Variants in STK3 observed in about 807,000 individuals in gnomAD.
STK3 encodes serine/threonine-protein kinase 3.
A neutral mutation model predicts 58.0 loss-of-function variants in STK3; 41 were observed. The ratio of observed to expected loss-of-function variants is 0.71; its 90% CI spans 0.55 to 0.92. The LOEUF (loss-of-function observed/expected upper bound fraction) is 0.92. Ranked by LOEUF, STK3 falls within the 40% of genes least tolerant of loss-of-function variation. The pLI is 0.00. For synonymous variants in STK3, 170 were observed against 191.0 expected (o/e 0.89, Z 0.91); for missense variants, 479 against 602.7 (o/e 0.79, Z 2.15).
intron 6 of STK3, among the ~76,000 whole-genome samples, chr8:98,625,320 T>C (rs941100558): frequency 2.6e-5 from 4 of 152,050 alleles, no homozygotes; most frequent in South Asian, 2.1e-4. Flanking sequence ...CTCATCATTA[T>C]AGTAAAGATC....
intron 1 of STK3, among the ~76,000 whole-genome samples, chr8:98,825,125 G>A (rs1835164556): frequency 6.6e-6 from 1 of 152,192 alleles, no homozygotes; most frequent in South Asian, 2.1e-4. Context: ...CCACTGTCTT[G>A]CATCCATAAA....
chr8:98,397,428 T>G (rs1817905805), downstream of STK3, among the ~76,000 whole-genome samples: 1 of 151,888 alleles, frequency 6.6e-6, no homozygotes, highest in African/African-American at 2.4e-5. Flanking sequence ...CCCAGCTACT[T>G]GAAAGGCTGA....
chr8:98,658,115 G>C (rs1389754938), intron 6 of STK3, among the ~76,000 whole-genome samples: 1 of 151,936 alleles, frequency 6.6e-6, no homozygotes, highest in Non-Finnish European at 1.5e-5. Context: ...TAAAGCTGCT[G>C]AACATATGAA....
chr8:98,630,819 GAAGA>G (rs933026473), intron 6 of STK3, among the ~76,000 whole-genome samples: 20 of 151,366 alleles, frequency 1.3e-4, no homozygotes, highest in South Asian at 6.3e-4. Flanking sequence ...AGAAGAAGAA[GAAGA>G]AAGAAAGAAA....
intron 10 of STK3, among the ~76,000 whole-genome samples, chr8:98,459,836 C>T (rs1458897357): frequency 6.6e-6 from 1 of 152,232 alleles, no homozygotes; most frequent in Admixed American, 6.5e-5. Context: ...TTGGGAACCT[C>T]TACCTAGACT....
intron 3 of STK3, among the ~76,000 whole-genome samples, chr8:98,868,642 G>A (rs775421561): frequency 5.3e-5 from 8 of 152,132 alleles, no homozygotes; most frequent in South Asian, 2.1e-4. Context: ...CCAAAAAGAT[G>A]TATCCATTTG....
chr8:98,926,984 G>A (rs1839823474), intron 1 of STK3, among the ~76,000 whole-genome samples: 1 of 152,206 alleles, frequency 6.6e-6, no homozygotes, highest in Non-Finnish European at 1.5e-5. Context: ...CTGTGTAAGG[G>A]CCACAGCCAG....
rs192138101 is a variant in STK3, at chr8:98,899,009, T to C, written c.-78-15175A>G. ...GGGTTGGAGTGTGCTAGCCCACACATCTCACTTAAGCAGAGAAATCAGGGG... is the reference window on the plus strand; with the variant it reads ...GGGTTGGAGTGTGCTAGCCCACACACCTCACTTAAGCAGAGAAATCAGGGG... On this transcript the variant is annotated intron_variant, in intron 1 of 1. Coordinates refer to the STK3 transcript ENST00000519420. Among the ~76,000 whole-genome samples, 6 of 152,244 alleles carry C rather than the reference T, an allele frequency of 3.9e-5. No individual in the cohort carries two copies. In the East Asian group the frequency reaches 1.2e-3, roughly 29 times the overall value.
downstream of STK3, among the ~76,000 whole-genome samples, chr8:98,450,504 CTG>C (rs1412259186): frequency 6.6e-6 from 1 of 152,180 alleles, no homozygotes; most frequent in East Asian, 1.9e-4. Flanking sequence ...AAAAGAACAA[CTG>C]GGATTTGAAC....
chr8:98,568,719 T>A (rs1754832118), intron 8 of STK3, among the ~76,000 whole-genome samples: 1 of 151,898 alleles, frequency 6.6e-6, no homozygotes, highest in African/African-American at 2.4e-5. Context: ...AAATATCTGA[T>A]ATGAAAAAAT....
In STK3 at chr8:98,741,548, G is replaced by A. The variant is rs527760520; in HGVS notation, c.351+7728C>T. ...AATAAAGATGGTCTTTAAAACCAAT[G>A]AGAACAAAGACACAACATACCAGAA... On this transcript the variant is annotated intron_variant, in intron 4 of 10. Transcript: ENST00000419617. Among the ~76,000 whole-genome samples the A allele has an allele frequency of 8.7e-3, 1,319 of 152,262 alleles. 10 individuals are homozygous for A. Among genetic ancestry groups the A allele is most frequent in the African/African-American group, 0.03 (1,243 of 41,540 alleles).
chr8:98,596,992 T>C (rs2129990848), intron 6 of STK3, among the ~76,000 whole-genome samples: 1 of 152,160 alleles, frequency 6.6e-6, no homozygotes, highest in African/African-American at 2.4e-5. Context: ...CAAACTAGAA[T>C]AGTATCTACA....
intron 8 of STK3, among the ~76,000 whole-genome samples, chr8:98,551,689 A>G (rs1010240507): frequency 6.6e-6 from 1 of 152,082 alleles, no homozygotes; most frequent in African/African-American, 2.4e-5. Context: ...GCACTTCAAA[A>G]CAATTAGGCA....
intron 10 of STK3, among the ~76,000 whole-genome samples, chr8:98,488,061 G>C (rs1322220398): frequency 6.6e-6 from 1 of 152,176 alleles, no homozygotes; most frequent in Non-Finnish European, 1.5e-5. Context: ...TGAATCATAA[G>C]AGGAAAAGTT....
chr8:98,600,540 G>A (rs1816244059), intron 6 of STK3, among the ~76,000 whole-genome samples: 1 of 152,174 alleles, frequency 6.6e-6, no homozygotes, highest in African/African-American at 2.4e-5. Context: ...GTCAAAATTA[G>A]AACAAGTTTG....
At chr8:98,696,078 A>G (rs1824890648) in intron 6 of STK3, among the ~76,000 whole-genome samples, 2 of 152,076 alleles carry the variant, frequency 1.3e-5, no homozygotes, top group African/African-American at 4.8e-5. Context: ...GAGGTCCTTC[A>G]TGTCCCTTGT....
intron 1 of STK3, among the ~76,000 whole-genome samples, chr8:98,440,151 G>C (rs972351803): frequency 6.6e-6 from 1 of 152,052 alleles, no homozygotes; most frequent in African/African-American, 2.4e-5. Flanking sequence ...GCTGCTCCTG[G>C]GGCCCTCCTG....
intron 7 of STK3, among the ~76,000 whole-genome samples, chr8:98,586,110 C>G (rs1814559610): frequency 6.6e-6 from 1 of 152,112 alleles, no homozygotes; most frequent in East Asian, 1.9e-4. Context: ...CCTGATTGCC[C>G]TGGCCAGAAC....
intron 4 of STK3, among the ~76,000 whole-genome samples, chr8:98,713,830 A>G (rs1826756505): frequency 6.6e-6 from 1 of 152,188 alleles, no homozygotes; most frequent in African/African-American, 2.4e-5. Flanking sequence ...ACAAAAAAAA[A>G]AGAGAATTTT....
Sources: gnomAD v4.1 joint callset for allele counts (sites outside exome capture counted in the v4.1 genomes callset) on GRCh38, gnomAD v4.1.1 for gene constraint, MANE v1.5 for transcripts, NCBI Gene and HGNC (gene_info 2026-07-23, HGNC 2026-07-21) for gene names.